Variants in IGSF5 observed in about 807,000 individuals in gnomAD.
The protein encoded by IGSF5 is immunoglobulin superfamily 5 like.
IGSF5 carries 41 observed loss-of-function variants against 39.4 expected under a neutral mutation model. The ratio of observed to expected loss-of-function variants is 1.04; its 90% CI spans 0.81 to 1.35. IGSF5 has a LOEUF of 1.35. Among genes scored for constraint, IGSF5 ranks in the 40% most tolerant of loss-of-function variants. The probability of loss-of-function intolerance (pLI) is 0.00; values close to 1 mark genes in which losing one functional copy is unlikely to be tolerated. For missense variants in IGSF5, 487 were observed against 494.6 expected, an observed-to-expected ratio of 0.98 and a Z score of 0.15; for synonymous variants, 183 against 175.3, an observed-to-expected ratio of 1.04 and a Z score of -0.34.
At chr21:39,762,144 G>T (rs750517673) in intron 2 of IGSF5, among the ~76,000 whole-genome samples, 6 of 152,192 alleles carry the variant, frequency 3.9e-5, no homozygotes, top group Non-Finnish European at 5.9e-5. Flanking sequence ...CGTGTAGCCA[G>T]CAGAGGCCAG....
chr21:39,735,928 A>G, the IGSF5 span, among the ~76,000 whole-genome samples: 3 of 152,128 alleles, frequency 2.0e-5, no homozygotes, highest in African/African-American at 7.2e-5. Flanking sequence ...ATCTTCGCCC[A>G]TTTCAACTTC....
chr21:39,785,232 T>C (rs998887292), intron 5 of IGSF5, among the ~76,000 whole-genome samples: 11 of 144,676 alleles, frequency 7.6e-5, no homozygotes, highest in Admixed American at 2.4e-4. Context: ...ACCTAGGCAA[T>C]ACCATTCAGG....
chr21:39,755,101 A>G (rs1253816575), intron 2 of IGSF5, among the ~76,000 whole-genome samples: 1 of 152,144 alleles, frequency 6.6e-6, no homozygotes, highest in Middle Eastern at 3.2e-3. Context: ...GGGGACTAGA[A>G]GTCTTTCCTA....
At chr21:39,787,951 G>A (rs1016125122) in intron 5 of IGSF5, among the ~76,000 whole-genome samples, 1 of 152,082 alleles carries the variant, frequency 6.6e-6, no homozygotes, top group African/African-American at 2.4e-5. Flanking sequence ...AGGTACCTAG[G>A]AATTATTTAT....
At chr21:39,734,257 T>A in the IGSF5 span, among the ~76,000 whole-genome samples, 1 of 151,896 alleles carries the variant, frequency 6.6e-6, no homozygotes, top group African/African-American at 2.4e-5. Flanking sequence ...ACCCCATCTC[T>A]ACTGAAAATA....
rs1445300390 is a variant in IGSF5 at position 39,746,204 on chromosome 21, T to A, written c.18-12T>A. ...CTGATTGGAAGTGGCAATGGGCGCC[T>A]CACTGGATCAGGAGCACAGCAGATA... On this transcript the variant is annotated splice_polypyrimidine_tract_variant and intron_variant, in intron 1 of 8. Transcript: ENST00000380588. 1.6e-5 allele frequency: 11 copies of A among 701,634 alleles called. No individual in the cohort carries two copies. Among genetic ancestry groups the A allele is most frequent in the Admixed American group, 1.4e-4 (7 of 49,976 alleles). 43.5% of individuals were successfully genotyped at this position (701,634 alleles called of 1,614,324 possible).
At chr21:39,722,695 C>G in the IGSF5 span, 1 of 152,204 alleles carries the variant, frequency 6.6e-6, no homozygotes, top group Non-Finnish European at 1.5e-5. Flanking sequence ...CTTTTGTATG[C>G]TACCTTATCT....
At position 39,773,821 on chromosome 21, in the gene IGSF5, G is replaced by A. The variant is rs182840836; in HGVS notation, c.718+2606G>A. 1.6e-3 allele frequency among the ~76,000 whole-genome samples: 241 copies of A among 152,286 alleles called. 2 individuals carry two copies. The highest frequency in any genetic ancestry group is 8.2e-4 in the Non-Finnish European group (56 of 68,028). On this transcript the variant is annotated intron_variant, in intron 4 of 8. Transcript: ENST00000380588. ...TAAAAAAATCCATTAGCACCAAATGGAATAAAATGGACTGGTTAAAGCATA... is the reference window on the plus strand; with the variant it reads ...TAAAAAAATCCATTAGCACCAAATGAAATAAAATGGACTGGTTAAAGCATA...
chr21:39,758,489 T>C (rs1002752649), intron 2 of IGSF5, among the ~76,000 whole-genome samples: 1 of 152,170 alleles, frequency 6.6e-6, no homozygotes, highest in Non-Finnish European at 1.5e-5. Context: ...AAGACCTGAC[T>C]CAGAAATCAC....
the IGSF5 span, chr21:39,730,169 CT>C: frequency 1.3e-5 from 2 of 152,188 alleles, no homozygotes; most frequent in Admixed American, 6.6e-5. Context: ...CCTGATGTTC[CT>C]GGGTTAGTGG....
At chr21:39,736,177 G>A in the IGSF5 span, among the ~76,000 whole-genome samples, 8 of 151,792 alleles carry the variant, frequency 5.3e-5, no homozygotes, top group Admixed American at 4.6e-4. Context: ...TCCTCCCCAC[G>A]CCCCCTCATC....
chr21:39,758,546 C>T (rs536241571), intron 2 of IGSF5, among the ~76,000 whole-genome samples: 1 of 152,306 alleles, frequency 6.6e-6, no homozygotes, highest in African/African-American at 2.4e-5. Flanking sequence ...GGGCGAGAAT[C>T]TCAGTTTCCA....
intron 5 of IGSF5, among the ~76,000 whole-genome samples, chr21:39,782,664 A>G (rs1482786324): frequency 6.6e-6 from 1 of 152,200 alleles, no homozygotes; most frequent in African/African-American, 2.4e-5. Flanking sequence ...TACAATGTAT[A>G]ATGATCAAAT....
chr21:39,791,044 G>T (rs1569259194), intron 6 of IGSF5, among the ~76,000 whole-genome samples: 1 of 152,102 alleles, frequency 6.6e-6, no homozygotes, highest in African/African-American at 2.4e-5. Context: ...TATCTGCAGG[G>T]GTCCTGGAAT....
intron 4 of IGSF5, among the ~76,000 whole-genome samples, chr21:39,775,420 G>A (rs1210513859): frequency 1.3e-5 from 2 of 152,244 alleles, no homozygotes; most frequent in African/African-American, 4.8e-5. Flanking sequence ...CTTTGCACAT[G>A]ATAGTGGTGA....
At chr21:39,786,592 GCCATCCC>G in intron 5 of IGSF5, among the ~76,000 whole-genome samples, 1 of 149,394 alleles carries the variant, frequency 6.7e-6, no homozygotes, top group African/African-American at 2.5e-5. Flanking sequence ...ATTTGACCCA[GCCATCCC>G]ATTACTGGGT....
intron 2 of IGSF5, among the ~76,000 whole-genome samples, chr21:39,761,956 C>T (rs925401102): frequency 1.3e-5 from 2 of 152,182 alleles, no homozygotes; most frequent in African/African-American, 4.8e-5. Context: ...GTGTGAGCCA[C>T]TGCATCCAGC....
the IGSF5 span, among the ~76,000 whole-genome samples, chr21:39,734,838 A>G: frequency 1.3e-5 from 2 of 152,046 alleles, no homozygotes; most frequent in Admixed American, 6.6e-5. Flanking sequence ...AGTCAATAAC[A>G]TCTGGTTGTC....
intron 4 of IGSF5, among the ~76,000 whole-genome samples, chr21:39,772,979 A>G (rs979312878): frequency 2.0e-5 from 3 of 152,218 alleles, no homozygotes; most frequent in African/African-American, 7.2e-5. Flanking sequence ...ATTTTTTAAA[A>G]AAACTTTTAT....
Sources: allele counts gnomAD v4.1 joint callset (sites outside exome capture counted in the v4.1 genomes callset), GRCh38; gene constraint gnomAD v4.1.1; transcripts MANE v1.5; gene names NCBI Gene and HGNC (gene_info 2026-07-23, HGNC 2026-07-21).